SPPL3: variants seen among roughly 807,000 people sequenced by gnomAD.
The protein encoded by SPPL3 is signal peptide peptidase-like 3.
A neutral mutation model predicts 42.4 loss-of-function variants in SPPL3; 5 were observed. The observed-to-expected ratio is 0.12, with a 90% CI of 0.06 to 0.25. The LOEUF (loss-of-function observed/expected upper bound fraction) is 0.25, where lower values mean the gene tolerates loss of function less well. SPPL3 is among the 10% of genes least tolerant of loss of function. The pLI, the probability that SPPL3 is intolerant of heterozygous loss-of-function variation, is 1.00. For synonymous variants in SPPL3, 195 were observed against 181.8 expected (o/e 1.07, Z -0.58); for missense variants, 235 against 489.0 (o/e 0.48, Z 4.90).
chr12:120,767,701 T>C (rs761858549), intron 8 of SPPL3, 108 bp from the exon 9 acceptor site: 57 of 1,078,258 alleles, frequency 5.3e-5, no homozygotes, highest in Non-Finnish European at 7.0e-5. Flanking sequence ...CTTATCTGCA[T>C]GGCAGATGGA....
chr12:120,814,411 T>C (rs985896613), intron 1 of SPPL3, among the ~76,000 whole-genome samples: 3 of 152,190 alleles, frequency 2.0e-5, no homozygotes, highest in Admixed American at 6.5e-5. Context: ...GGGTCCTCTT[T>C]TGAACAACCA....
At chr12:120,844,959 G>A (rs1871969854) in intron 1 of SPPL3, among the ~76,000 whole-genome samples, 1 of 152,004 alleles carries the variant, frequency 6.6e-6, no homozygotes, top group Admixed American at 6.5e-5. Flanking sequence ...AAAAAGCCTG[G>A]CTGCAGGCTG....
At position 120,809,018 on chromosome 12, in the gene SPPL3, T is replaced by A. The variant is rs923036634; in HGVS notation, c.101+1791A>T. Among the ~76,000 whole-genome samples, 40 of 152,220 alleles carry A rather than the reference T, an allele frequency of 2.6e-4. 2 individuals carry two copies. Among genetic ancestry groups the A allele is most frequent in the Non-Finnish European group, 2.9e-5 (2 of 68,022 alleles). ...TTTGATTAATGCTTCTGAGAGTGGT[T>A]ATGAATCTGGAGTTCTCAGTAGACA... On this transcript the variant is annotated intron_variant, in intron 2 of 10. Transcript: ENST00000353487.
At chr12:120,789,996 A>G (rs1362060414) in intron 3 of SPPL3, among the ~76,000 whole-genome samples, 1 of 152,146 alleles carries the variant, frequency 6.6e-6, no homozygotes, top group African/African-American at 2.4e-5. Context: ...GCAGATTTAT[A>G]ATTTGGTTTA....
At position 120,791,741 on chromosome 12, in the gene SPPL3, A is replaced by G. The variant is rs1383467667; in HGVS notation, c.102-184T>C. 16 of 529,292 alleles carry G rather than the reference A, an allele frequency of 3.0e-5. No homozygotes were observed. In the East Asian group the frequency reaches 5.2e-4, roughly 17 times the overall value. 32.8% of individuals were successfully genotyped at this position (529,292 alleles called of 1,614,324 possible). A position where few individuals can be genotyped will look rare whatever the true frequency, so the allele number is the denominator to read the frequency against. ...TCAGTCCTTCCAATGTGTCAGTTCA[A>G]GAGTTTTCCTGACTGCAGATGAAAG... On this transcript the variant is annotated intron_variant, in intron 2 of 10. Transcript: ENST00000353487.
At chr12:120,897,666 T>C (rs1364706205) in intron 1 of SPPL3, among the ~76,000 whole-genome samples, 1 of 152,144 alleles carries the variant, frequency 6.6e-6, no homozygotes, top group Non-Finnish European at 1.5e-5. Context: ...GAGGTTGCAG[T>C]GAGCCGAGAT....
chr12:120,789,896 C>T (rs1042045278), intron 3 of SPPL3, among the ~76,000 whole-genome samples: 1 of 146,676 alleles, frequency 6.8e-6, no homozygotes, highest in Non-Finnish European at 1.5e-5. Context: ...CGGACTGGCA[C>T]AACCATTTCT....
Position 120,791,404 on chromosome 12 carries a change from G to A in SPPL3, c.190+65C>T. ...TGAACCCAGTAAATTATTAACTGGA[G>A]GTATAGAAACAGCCAAATTAAGAAA... On this transcript the variant is annotated intron_variant, in intron 3 of 10. Transcript: ENST00000353487. 3 of 1,085,158 alleles carry A rather than the reference G, an allele frequency of 2.8e-6. No homozygotes were observed. In the South Asian group the frequency reaches 4.4e-5, roughly 16 times the overall value. The allele number at this position is 1,085,158 out of a possible 1,614,324, so 67.2% of individuals were successfully genotyped here.
chr12:120,903,443 T>C (rs1874047454), intron 1 of SPPL3: 1 of 207,854 alleles, frequency 4.8e-6, no homozygotes, highest in Admixed American at 6.3e-5. Context: ...GGCCCACCTT[T>C]GCCCTGGCCT....
intron 1 of SPPL3, among the ~76,000 whole-genome samples, chr12:120,867,432 C>T (rs1391738301): frequency 3.9e-5 from 6 of 152,006 alleles, no homozygotes; most frequent in East Asian, 1.9e-4. Context: ...TTTGGAAGGC[C>T]GAGGTGGGTG....
At chr12:120,854,210 G>C (rs1314215759) in intron 1 of SPPL3, among the ~76,000 whole-genome samples, 1 of 152,182 alleles carries the variant, frequency 6.6e-6, no homozygotes, top group Non-Finnish European at 1.5e-5. Flanking sequence ...GAGGTGGGCA[G>C]AGGAAACTGA....
intron 1 of SPPL3, among the ~76,000 whole-genome samples, chr12:120,864,053 C>T (rs1450943362): frequency 6.6e-6 from 1 of 152,172 alleles, no homozygotes; most frequent in East Asian, 1.9e-4. Flanking sequence ...TACTCTGTTA[C>T]ATTAAAATCC....
chr12:120,875,596 T>C (rs1459346659), intron 1 of SPPL3, among the ~76,000 whole-genome samples: 1 of 147,850 alleles, frequency 6.8e-6, no homozygotes, highest in African/African-American at 2.5e-5. Context: ...GCCACTGCCC[T>C]CTAGCCTGGG....
At chr12:120,838,253 T>C (rs1871688452) in intron 1 of SPPL3, among the ~76,000 whole-genome samples, 1 of 152,184 alleles carries the variant, frequency 6.6e-6, no homozygotes, top group African/African-American at 2.4e-5. Context: ...GTGCAGTGAA[T>C]GCATATTTAT....
intron 7 of SPPL3, 199 bp from the exon 8 acceptor site, chr12:120,768,687 T>C (rs1377164751): frequency 4.3e-6 from 3 of 704,724 alleles, no homozygotes; most frequent in Admixed American, 5.9e-5. Flanking sequence ...GATTACTCCC[T>C]GACGGGGTGG....
intron 1 of SPPL3, among the ~76,000 whole-genome samples, chr12:120,864,354 G>A (rs1408309861): frequency 6.6e-6 from 1 of 152,044 alleles, no homozygotes; most frequent in African/African-American, 2.4e-5. Flanking sequence ...GGCCAACATG[G>A]TGAAACTCCA....
chr12:120,766,226 G>A, intron 10 of SPPL3, 37 bp downstream of exon 10: 2 of 1,517,736 alleles, frequency 1.3e-6, no homozygotes, highest in South Asian at 1.2e-5. Flanking sequence ...GCCAATCCAA[G>A]TTATTGCTTT....
At chr12:120,883,534 A>G (rs1873357338) in intron 1 of SPPL3, among the ~76,000 whole-genome samples, 1 of 152,174 alleles carries the variant, frequency 6.6e-6, no homozygotes, top group African/African-American at 2.4e-5. Context: ...AAAACTCTGA[A>G]ACATAAATAC....
intron 1 of SPPL3, among the ~76,000 whole-genome samples, chr12:120,846,537 A>G (rs7976703): frequency 0.03 from 4,536 of 152,290 alleles, 204 homozygotes; most frequent in African/African-American, 0.1. Context: ...GTTTTATTCT[A>G]TAAAAGCTAT....
Sources: gnomAD v4.1 joint callset for allele counts (sites outside exome capture counted in the v4.1 genomes callset) on GRCh38, gnomAD v4.1.1 for gene constraint, MANE v1.5 for transcripts, NCBI Gene and HGNC (gene_info 2026-07-23, HGNC 2026-07-21) for gene names.